Variants in LAMA5 observed in about 807,000 individuals in gnomAD.
LAMA5 encodes laminin subunit alpha 5.
LAMA5 carries 260 observed loss-of-function variants against 433.4 expected under a neutral mutation model. That is an observed-to-expected ratio of 0.60 (90% confidence interval 0.54 to 0.66). The LOEUF (loss-of-function observed/expected upper bound fraction) is 0.66. Among genes scored for constraint, LAMA5 ranks in the 30% least tolerant of loss-of-function variants. LAMA5 has a pLI of 0.00. For synonymous variants in LAMA5, 2,620 were observed against 2,226.6 expected (o/e 1.18, Z -4.97); for missense variants, 5,378 against 5,258.5 (o/e 1.02, Z -0.70).
chr20:62,336,758 G>A lies in LAMA5; in HGVS notation c.2193C>T (p.Ala731=), dbSNP rs539332209. The change falls in exon 17 of 80, where the codon GCC becomes GCT. Residue 731 remains alanine, a synonymous_variant. Coordinates refer to ENST00000252999, the MANE Select transcript of LAMA5 (RefSeq NM_005560.6). ...CCTCAGGAAGGGCAGGATCCACTGG[G>A]GCCAGACCGGCAGGGTGGCAAGAGC... The part of the protein sequence containing the change: ...EAGSCHPAGL[A]PVDPALPEAQ... 67 of 1,613,056 alleles carry A rather than the reference G, an allele frequency of 4.2e-5. 1 individual carries two copies. In the South Asian group the frequency reaches 7.0e-4, roughly 17 times the overall value.
At chr20:62,331,329 A>C (rs1980416575) in intron 28 of LAMA5, among the ~76,000 whole-genome samples, 200 bp from the exon 29 acceptor site, 1 of 120,666 alleles carries the variant, frequency 8.3e-6, no homozygotes, top group Non-Finnish European at 1.6e-5. Context: ...AGGCGGTACG[A>C]TGGGGGGGCC....
At chr20:62,315,340 G>A (rs535124853) in intron 58 of LAMA5, 133 bp from the exon 59 acceptor site, 73 of 724,842 alleles carry the variant, frequency 1.0e-4, no homozygotes, top group South Asian at 3.3e-4. Flanking sequence ...CTCACACCCC[G>A]CTGCTCAGTG....
Position 62,367,270 on chromosome 20 carries a change from C to T in LAMA5, c.-25G>A. The T allele has an allele frequency of 8.7e-7, 1 of 1,155,104 alleles. No individual in the cohort carries two copies. The highest frequency in any genetic ancestry group is 1.1e-6 in the Non-Finnish European group (1 of 939,928). The allele number at this position is 1,155,104 out of a possible 1,614,324, so 71.6% of individuals were successfully genotyped here. ...TCTTCCCGGCTCCGGGCCGCGTCCC[C>T]GAGCTCCAGGGACAGCGCGCGCGGC... On this transcript the variant is annotated 5_prime_UTR_variant, in exon 1 of 80. Transcript: ENST00000252999.
At position 62,333,466 on chromosome 20, in the gene LAMA5, G is replaced by A. The variant is rs781458454; in HGVS notation, c.3037C>T (p.Leu1013=). 2 of 1,612,366 alleles carry A rather than the reference G, an allele frequency of 1.2e-6. No individual in the cohort carries two copies. Among genetic ancestry groups the A allele is most frequent in the Non-Finnish European group, 1.7e-6 (2 of 1,179,806 alleles). The change falls in exon 25 of 80, where the codon CTG becomes TTG. Residue 1013 remains leucine, a synonymous_variant. Coordinates refer to ENST00000252999, the MANE Select transcript of LAMA5 (RefSeq NM_005560.6). ...GCCGCCTCGTAGTATGCGCTAGGCA[G>A]CAGAACCACGTAGTCCTGCAGGGTG... ...EGVLLDYVVL[L]PSAYYEAALL... is the part of the protein sequence containing the mutation.
rs1423453534 is a variant in LAMA5 at position 62,367,246 on chromosome 20, C to T, written c.-1G>A. On this transcript the variant is annotated 5_prime_UTR_variant, in exon 1 of 80. Coordinates refer to ENST00000252999, the MANE Select transcript of LAMA5 (RefSeq NM_005560.6). ...TCCCCGCGCAGAGCCGCTTCGCCAT[C>T]TTCCCGGCTCCGGGCCGCGTCCCCG... 2.4e-5 allele frequency: 28 copies of T among 1,176,560 alleles called. No individual in the cohort carries two copies. Among genetic ancestry groups the T allele is most frequent in the Non-Finnish European group, 2.7e-5 (26 of 954,576 alleles). The allele number at this position is 1,176,560 out of a possible 1,614,324, so 72.9% of individuals were successfully genotyped here.
At chr20:62,327,767 G>C in intron 36 of LAMA5, 98 bp from the exon 37 acceptor site, 1 of 1,577,716 alleles carries the variant, frequency 6.3e-7, no homozygotes, top group Non-Finnish European at 8.6e-7. Context: ...TCTCCCAAAA[G>C]CTTCTAGGAA....
chr20:62,327,525 G>A lies in LAMA5; in HGVS notation c.4938+4C>T, dbSNP rs749740173. The A allele has an allele frequency of 6.8e-6, 11 of 1,612,710 alleles. No individual in the cohort carries two copies. The highest frequency in any genetic ancestry group is 3.3e-5 in the South Asian group (3 of 91,082). ...AGGCAATGCCCTCAGTCCTGCAGGC[G>A]CACCTCCTGGCGGGTGTAGGACGAG... On this transcript the variant is annotated splice_donor_region_variant and intron_variant, in intron 37 of 79. Transcript: ENST00000252999.
At chr20:62,319,100 T>C (rs1361835118) in intron 51 of LAMA5, 87 bp from the exon 52 acceptor site, 4 of 1,373,622 alleles carry the variant, frequency 2.9e-6, no homozygotes, top group Non-Finnish European at 2.9e-6. Context: ...ACCCCAGCCC[T>C]GCCATCCTTG....
Position 62,316,783 on chromosome 20 carries a change from C to G in LAMA5, c.7654-10G>C. On this transcript the variant is annotated splice_polypyrimidine_tract_variant and intron_variant, in intron 56 of 79. Transcript: ENST00000252999. ...CCTGCCGCACCACCGTCTGTGGATG[C>G]CAGGGCAGACCGTGGCTCAGACACG... 6.3e-7 allele frequency: 1 copy of G among 1,593,106 alleles called. No homozygotes were observed. Among genetic ancestry groups the G allele is most frequent in the Non-Finnish European group, 8.6e-7 (1 of 1,169,426 alleles).
At position 62,358,671 on chromosome 20, in the gene LAMA5, A is replaced by G. The variant is rs544934852; in HGVS notation, c.450+3729T>C. ...TTTACAGAGGAGGAACCAGCCCGGG[A>G]ACCCAGACTGCAGACAGCATGGCCA... is the stretch of plus-strand genomic sequence containing the variant. On this transcript the variant is annotated intron_variant, in intron 2 of 79. Coordinates refer to ENST00000252999, the MANE Select transcript of LAMA5 (RefSeq NM_005560.6). Among the ~76,000 whole-genome samples, 8 of 152,220 alleles carry G rather than the reference A, an allele frequency of 5.3e-5. No homozygotes were observed. The South Asian group carries it at 1.5e-3, about 28-fold the overall frequency.
intron 1 of LAMA5, among the ~76,000 whole-genome samples, chr20:62,364,027 TC>T (rs1020085911): frequency 2.0e-5 from 3 of 152,128 alleles, no homozygotes; most frequent in African/African-American, 7.2e-5. Flanking sequence ...TCTGGGGGCC[TC>T]CCCGGGGTCC....
chr20:62,319,616 C>T, intron 51 of LAMA5, 68 bp downstream of exon 51: 1 of 1,165,438 alleles, frequency 8.6e-7, no homozygotes, highest in Non-Finnish European at 1.2e-6. Flanking sequence ...CTCGGCCAGG[C>T]ACCCCCACCC....
chr20:62,316,877 C>G lies in LAMA5; in HGVS notation c.7653+5G>C. 1 of 1,530,476 alleles carries G rather than the reference C, an allele frequency of 6.5e-7. No homozygotes were observed. Among genetic ancestry groups the G allele is most frequent in the Non-Finnish European group, 8.8e-7 (1 of 1,137,968 alleles). The allele number at this position is 1,530,476 out of a possible 1,614,324, so 94.8% of individuals were successfully genotyped here. ...CTGGGGCTGAGGGGAAGTGAGGGGC[C>G]TCACCGCCCACGTGTGGTCCGCCTG... On this transcript the variant is annotated splice_donor_5th_base_variant and intron_variant, in intron 56 of 79. Coordinates refer to ENST00000252999, the MANE Select transcript of LAMA5 (RefSeq NM_005560.6).
At chr20:62,351,227 T>G in intron 6 of LAMA5, 1 of 192,668 alleles carries the variant, frequency 5.2e-6, no homozygotes, top group Non-Finnish European at 1.1e-5. Context: ...AGCAGGGAAG[T>G]TGTCTGTTGT....
At position 62,326,947 on chromosome 20, in the gene LAMA5, G is replaced by A. The variant is rs1353151539; in HGVS notation, c.5132C>T (p.Thr1711Ile). ...LGDRVSSYGGTLRYELHSETQ... is the reference protein window; with the variant it reads ...LGDRVSSYGGILRYELHSETQ... ...CTCTGAGTGCAGTTCATAACGGAGG[G>A]TCCCACCGTAGGATGACACCTGGAG... The change falls in exon 39 of 80, where the codon ACC becomes ATC. Residue 1711 changes from threonine (T) to isoleucine (I), a missense_variant. Transcript: ENST00000252999. 19 of 1,609,396 alleles carry A rather than the reference G, an allele frequency of 1.2e-5. No individual in the cohort carries two copies. Among genetic ancestry groups the A allele is most frequent in the Non-Finnish European group, 1.4e-5 (17 of 1,177,406 alleles).
intron 1 of LAMA5, 101 bp downstream of exon 1, chr20:62,366,848 C>G: frequency 8.2e-7 from 1 of 1,225,118 alleles, no homozygotes; most frequent in Non-Finnish European, 1.0e-6. Context: ...AGAGTCCGCA[C>G]CTGGACTCGC....
intron 2 of LAMA5, among the ~76,000 whole-genome samples, chr20:62,362,022 C>T (rs1008864675): frequency 6.6e-6 from 1 of 152,200 alleles, no homozygotes; most frequent in African/African-American, 2.4e-5. Context: ...CAGCCCCTCC[C>T]GCACCTGCCA....
At position 62,322,700 on chromosome 20, in the gene LAMA5, C is replaced by A; in HGVS notation, c.6123G>T (p.Leu2041=). 1 of 1,549,410 alleles carries A rather than the reference C, an allele frequency of 6.5e-7. No homozygotes were observed. The highest frequency in any genetic ancestry group is 8.7e-7 in the Non-Finnish European group (1 of 1,149,212). The stretch of plus-strand genomic sequence containing the variant: ...GCCGCCCAGTCACGCCCGCCTTGCA[C>A]AGGCAGTGCCCGCTGTGGGGGTCGC... ...EACDPHSGHC[L]CKAGVTGRRC... is the part of the protein sequence containing the mutation. Residue 2041 remains leucine, a synonymous_variant, in exon 46 of 80, where the codon CTG becomes CTT. Coordinates refer to ENST00000252999, the MANE Select transcript of LAMA5 (RefSeq NM_005560.6).
Position 62,317,749 on chromosome 20 carries a change from A to G in LAMA5, c.7269T>C (p.Asn2423=), listed in dbSNP as rs1987115393. Residue 2423 remains asparagine, a synonymous_variant, in exon 54 of 80, where the codon AAT becomes AAC. Coordinates refer to ENST00000252999, the MANE Select transcript of LAMA5 (RefSeq NM_005560.6). The stretch of plus-strand genomic sequence containing the variant: ...CATGCAGAGTGGCCTGCAGGGTGGC[A>G]TTGTCCCGGGACAGCTCCTGCTTCC... ...LQRKQELSRD[N]ATLQATLHAA... The G allele has an allele frequency of 5.0e-6, 8 of 1,606,680 alleles. No individual in the cohort carries two copies. Among genetic ancestry groups the G allele is most frequent in the Admixed American group, 1.7e-5 (1 of 59,326 alleles).
Sources: gnomAD v4.1 joint callset for allele counts (sites outside exome capture counted in the v4.1 genomes callset) on GRCh38, gnomAD v4.1.1 for gene constraint, MANE v1.5 for transcripts, NCBI Gene and HGNC (gene_info 2026-07-23, HGNC 2026-07-21) for gene names.